The following IQCH variants were observed in gnomAD, a reference collection of about 807,000 sequenced individuals.
IQCH encodes the protein IQ motif containing H.
Under a neutral mutation model 117.0 loss-of-function variants are expected in IQCH, and 98 were observed. The ratio of observed to expected loss-of-function variants is 0.84; its 90% CI spans 0.71 to 0.99. IQCH has a LOEUF of 0.99. IQCH is among the 50% of genes least tolerant of loss of function. The pLI, the probability that IQCH is intolerant of heterozygous loss-of-function variation, is 0.00. For missense variants in IQCH, 1,102 were observed against 1,243.8 expected (o/e 0.89, Z 1.72); for synonymous variants, 412 against 448.2 (o/e 0.92, Z 1.02).
rs117832916 is a variant in IQCH, at chr15:67,399,449, G to A, written c.1906-665G>A. Among the ~76,000 whole-genome samples the A allele has an allele frequency of 1.2e-3, 119 of 101,016 alleles. 6 individuals are homozygous for A. Among genetic ancestry groups the A allele is most frequent in the Middle Eastern group, 9.4e-3 (2 of 212 alleles). The allele number at this position is 101,016 out of a possible 152,430, so 66.3% of individuals were successfully genotyped here. ...CTATCCCTTAAGCTCCCATGTGTTT[G>A]AGCCCAGTTCTTGAGGAAATGTTTC... is the stretch of plus-strand genomic sequence containing the variant. On this transcript the variant is annotated intron_variant, in intron 13 of 20. Transcript: ENST00000335894.
At chr15:67,290,844 C>CT (rs1163791710) in intron 4 of IQCH, among the ~76,000 whole-genome samples, 1 of 152,166 alleles carries the variant, frequency 6.6e-6, no homozygotes, top group African/African-American at 2.4e-5. Context: ...AGCATGATCC[C>CT]TTTCCACGTG....
At chr15:67,382,010 G>T (rs1970949826) in intron 10 of IQCH, among the ~76,000 whole-genome samples, 1 of 151,564 alleles carries the variant, frequency 6.6e-6, no homozygotes, top group Non-Finnish European at 1.5e-5. Flanking sequence ...AAGATTTTTT[G>T]AGTACGGGCT....
In IQCH at chr15:67,384,779, C is replaced by T. The variant is rs1054750964; in HGVS notation, c.1373-157C>T. Among the ~76,000 whole-genome samples, 2 of 152,002 alleles carry T rather than the reference C, an allele frequency of 1.3e-5. No individual in the cohort carries two copies. The highest frequency in any genetic ancestry group is 2.9e-5 in the Non-Finnish European group (2 of 67,996). Reference sequence around the variant, plus strand: ...AATAATGTTTAATTCCCCCGAGAAACAAGCACCTCATTCTTCGGGATTGGG... The same window carrying T: ...AATAATGTTTAATTCCCCCGAGAAATAAGCACCTCATTCTTCGGGATTGGG... On this transcript the variant is annotated intron_variant, in intron 10 of 20. Coordinates refer to ENST00000335894, the MANE Select transcript of IQCH (RefSeq NM_001031715.3). The surrounding 1 kb of genome is among the most constrained non-coding windows in gnomAD (Gnocchi z 4.3).
At chr15:67,330,121 A>G (rs922910358) in intron 4 of IQCH, among the ~76,000 whole-genome samples, 2 of 152,104 alleles carry the variant, frequency 1.3e-5, no homozygotes, top group Non-Finnish European at 2.9e-5. Flanking sequence ...TAGAGTCAGT[A>G]GGTTCCTATA....
At chr15:67,348,983 G>A (rs561614241) in intron 6 of IQCH, among the ~76,000 whole-genome samples, 12 of 152,214 alleles carry the variant, frequency 7.9e-5, no homozygotes, top group Non-Finnish European at 1.5e-4. Context: ...TTTTGACAAA[G>A]ATGCAAAGGC....
In IQCH at chr15:67,456,632, T is replaced by C. The variant is rs2082662961; in HGVS notation, c.2506-8495T>C. On this transcript the variant is annotated intron_variant, in intron 16 of 20. Transcript: ENST00000335894. The surrounding 1 kb of genome is among the most constrained non-coding windows in gnomAD (Gnocchi z 5.1). Reference sequence around the variant, plus strand: ...GAATATGATTTAGACATAACTGTATTAGTATTGTGTTGTATCTGACCGACA... The same window carrying C: ...GAATATGATTTAGACATAACTGTATCAGTATTGTGTTGTATCTGACCGACA... 6.6e-6 allele frequency among the ~76,000 whole-genome samples: 1 copy of C among 152,210 alleles called. No individual in the cohort carries two copies. Among genetic ancestry groups the C allele is most frequent in the South Asian group, 2.1e-4 (1 of 4,826 alleles).
chr15:67,411,464 T>C lies in IQCH; in HGVS notation c.2098-5467T>C, dbSNP rs1430895328. 6.6e-6 allele frequency among the ~76,000 whole-genome samples: 1 copy of C among 152,222 alleles called. No homozygotes were observed. The highest frequency in any genetic ancestry group is 1.5e-5 in the Non-Finnish European group (1 of 68,040). The stretch of plus-strand genomic sequence containing the variant: ...CCTTTTCACTCTCCAGTCCTTCATG[T>C]AGGGATGTCAGAAAGCATCTAGAAA... On this transcript the variant is annotated intron_variant, in intron 14 of 20. Coordinates refer to ENST00000335894, the MANE Select transcript of IQCH (RefSeq NM_001031715.3). The surrounding 1 kb of genome is among the most constrained non-coding windows in gnomAD (Gnocchi z 4.4).
In IQCH at chr15:67,388,977, A is replaced by C. The variant is rs763480854; in HGVS notation, c.1603A>C (p.Ile535Leu). 1 of 1,613,948 alleles carries C rather than the reference A, an allele frequency of 6.2e-7. No individual in the cohort carries two copies. The highest frequency in any genetic ancestry group is 8.5e-7 in the Non-Finnish European group (1 of 1,179,856). ...TGACCTGCAGGACAGGTTCAAAATTATCACACCTGAAGCTGTAAACATCTT... is the reference window on the plus strand; with the variant it reads ...TGACCTGCAGGACAGGTTCAAAATTCTCACACCTGAAGCTGTAAACATCTT... Reference protein sequence around the residue: ...RSDLQDRFKIITPEAVNIFPK... With the variant: ...RSDLQDRFKILTPEAVNIFPK... Residue 535 changes from isoleucine to leucine, a missense_variant, in exon 12 of 21, where the codon ATC becomes CTC. Coordinates refer to ENST00000335894, the MANE Select transcript of IQCH (RefSeq NM_001031715.3). The surrounding 1 kb of genome is among the most constrained non-coding windows in gnomAD (Gnocchi z 5.5).
At chr15:67,438,666 A>T (rs1312224048) in intron 16 of IQCH, among the ~76,000 whole-genome samples, 1 of 152,180 alleles carries the variant, frequency 6.6e-6, no homozygotes, top group Non-Finnish European at 1.5e-5. Context: ...CCTTCAGGAG[A>T]CTCATCTAAC....
intron 16 of IQCH, among the ~76,000 whole-genome samples, chr15:67,462,853 C>T (rs2082831986): frequency 6.6e-6 from 1 of 152,226 alleles, no homozygotes; most frequent in Non-Finnish European, 1.5e-5. Flanking sequence ...GTAGCTGTCC[C>T]CATCTGATTT....
rs1021524914 is a variant in IQCH, at chr15:67,466,431, TCAAA to T, written c.2676+1137_2676+1140del. ...AAGCTCTACTTGAAATCCAAATATATCAAACAGATAAAAGAGGAACTCTAGTGAT... is the reference window on the plus strand; with the variant it reads ...AAGCTCTACTTGAAATCCAAATATATCAGATAAAAGAGGAACTCTAGTGAT... On this transcript the variant is annotated intron_variant, in intron 17 of 20. Coordinates refer to ENST00000335894, the MANE Select transcript of IQCH (RefSeq NM_001031715.3). This position sits in a 1 kb window ranked among gnomAD's most constrained non-coding sequence, Gnocchi z 4.4. 2.0e-5 allele frequency: 3 copies of T among 152,154 alleles called. No homozygotes were observed. Among genetic ancestry groups the T allele is most frequent in the Non-Finnish European group, 2.9e-5 (2 of 68,038 alleles). The allele number at this position is 152,154 out of a possible 1,614,324, so 9.4% of individuals were successfully genotyped here. A position where few individuals can be genotyped will look rare whatever the true frequency, so the allele number is the denominator to read the frequency against.
At chr15:67,409,673 G>A (rs530634021) in intron 14 of IQCH, among the ~76,000 whole-genome samples, 2 of 152,186 alleles carry the variant, frequency 1.3e-5, no homozygotes, top group Non-Finnish European at 2.9e-5. Context: ...CCACCACAGC[G>A]AATCACTTGC....
chr15:67,440,166 C>A (rs1334798186), intron 16 of IQCH, among the ~76,000 whole-genome samples: 1 of 152,038 alleles, frequency 6.6e-6, no homozygotes, highest in Non-Finnish European at 1.5e-5. Flanking sequence ...TAGCTTAAAT[C>A]AGGAAGAATT....
chr15:67,489,873 A>T, intron 18 of IQCH, 130 bp from the exon 19 acceptor site: 2 of 755,368 alleles, frequency 2.6e-6, no homozygotes, highest in Non-Finnish European at 2.3e-6. Flanking sequence ...ATGTGTTCTC[A>T]TAATATCTGA....
At chr15:67,379,082 A>C (rs1970833158) in intron 10 of IQCH, among the ~76,000 whole-genome samples, 1 of 152,226 alleles carries the variant, frequency 6.6e-6, no homozygotes, top group Non-Finnish European at 1.5e-5. Flanking sequence ...TAAAACAAAA[A>C]AAAATTTAGT....
chr15:67,491,863 T>G lies in IQCH; in HGVS notation c.2861+1799T>G, dbSNP rs1366604044. ...CAACTGTGCCAGGCACAGTTCTAGGTGCTGGGGAAACAACAATGAGCCCTG... is the reference window on the plus strand; with the variant it reads ...CAACTGTGCCAGGCACAGTTCTAGGGGCTGGGGAAACAACAATGAGCCCTG... On this transcript the variant is annotated intron_variant, in intron 19 of 20. Transcript: ENST00000335894. This position sits in a 1 kb window ranked among gnomAD's most constrained non-coding sequence, Gnocchi z 4.9. 1.3e-5 allele frequency among the ~76,000 whole-genome samples: 2 copies of G among 151,494 alleles called. No homozygotes were observed. The highest frequency in any genetic ancestry group is 2.9e-5 in the Non-Finnish European group (2 of 67,898).
At position 67,376,007 on chromosome 15, in the gene IQCH, G is replaced by C. The variant is rs576430011; in HGVS notation, c.1372+2574G>C. ...TCACCATGTTGGCCAGGCTGGTCTG[G>C]AACCCCTGACCTCAAGTGATCCACC... On this transcript the variant is annotated intron_variant, in intron 10 of 20. Coordinates refer to ENST00000335894, the MANE Select transcript of IQCH (RefSeq NM_001031715.3). The surrounding 1 kb of genome is among the most constrained non-coding windows in gnomAD (Gnocchi z 5.0). Among the ~76,000 whole-genome samples the C allele has an allele frequency of 6.6e-6, 1 of 152,074 alleles. No homozygotes were observed. The highest frequency in any genetic ancestry group is 1.5e-5 in the Non-Finnish European group (1 of 67,986).
At chr15:67,320,314 G>C (rs956060993) in intron 4 of IQCH, among the ~76,000 whole-genome samples, 4 of 151,914 alleles carry the variant, frequency 2.6e-5, no homozygotes, top group Admixed American at 2.6e-4. Flanking sequence ...GGAATAAAAA[G>C]CAATAGCAAA....
At chr15:67,325,397 A>G (rs541127847) in intron 4 of IQCH, among the ~76,000 whole-genome samples, 28 of 152,152 alleles carry the variant, frequency 1.8e-4, no homozygotes, top group African/African-American at 6.3e-4. Flanking sequence ...TGCAATTTTC[A>G]TTTGTCAATT....
Sources: gnomAD v4.1 joint callset for allele counts (sites outside exome capture counted in the v4.1 genomes callset) on GRCh38, gnomAD v4.1.1 for gene constraint, Gnocchi (gnomAD v3.1) non-coding constraint, MANE v1.5 for transcripts, NCBI Gene and HGNC (gene_info 2026-07-23, HGNC 2026-07-21) for gene names.